The following ASTN2 variants were observed in gnomAD, a reference collection of about 807,000 sequenced individuals.
The protein encoded by ASTN2 is astrotactin 2, also known as astrotactin-2.
A neutral mutation model predicts 139.8 loss-of-function variants in ASTN2; 54 were observed. The observed-to-expected ratio is 0.39, with a 90% confidence interval of 0.31 to 0.48. The LOEUF is 0.48. ASTN2 is among the 20% of genes least tolerant of loss of function. The pLI is 0.95. For missense variants in ASTN2, 1,565 were observed against 1,725.1 expected, an observed-to-expected ratio of 0.91 and a Z score of 1.64; for synonymous variants, 756 against 719.5, an observed-to-expected ratio of 1.05 and a Z score of -0.81.
rs117127330 is a variant in ASTN2 at position 117,318,757 on chromosome 9, C to G, written c.443-27244G>C. On this transcript the variant is annotated intron_variant, in intron 1 of 22. Coordinates refer to ENST00000313400, the MANE Select transcript of ASTN2 (RefSeq NM_001365068.1). ...AAAATCGAGGGCTCAAGCAGGTACA[C>G]GTCTCAGTCCCATGCCTGAGCAATC... Among the ~76,000 whole-genome samples the G allele has an allele frequency of 5.8e-4, 88 of 152,268 alleles. 1 individual carries two copies. In the East Asian group the frequency reaches 0.016, roughly 28 times the overall value.
intron 3 of ASTN2, among the ~76,000 whole-genome samples, chr9:117,147,892 G>C (rs1830238576): frequency 6.6e-6 from 1 of 152,140 alleles, no homozygotes. Flanking sequence ...CTGGAGATGG[G>C]TATGTTAATC....
chr9:117,343,055 A>G (rs181954110), intron 1 of ASTN2, among the ~76,000 whole-genome samples: 1 of 152,322 alleles, frequency 6.6e-6, no homozygotes, highest in East Asian at 1.9e-4. Flanking sequence ...TCACTTCAGA[A>G]AAACTAAAGT....
chr9:117,117,619 ATC>A (rs1165873581), intron 4 of ASTN2, among the ~76,000 whole-genome samples: 28 of 152,316 alleles, frequency 1.8e-4, no homozygotes, highest in African/African-American at 6.7e-4. Flanking sequence ...AGGAGTTCTC[ATC>A]AGCACCCCCT....
At chr9:116,596,081 G>C (rs1457549332) in intron 19 of ASTN2, among the ~76,000 whole-genome samples, 1 of 152,106 alleles carries the variant, frequency 6.6e-6, no homozygotes, top group South Asian at 2.1e-4. Flanking sequence ...TGCATACAAT[G>C]GATTATCATT....
chr9:116,718,247 A>G (rs1828368662), intron 16 of ASTN2, among the ~76,000 whole-genome samples: 1 of 152,212 alleles, frequency 6.6e-6, no homozygotes, highest in African/African-American at 2.4e-5. Context: ...AGGCCAAGTG[A>G]CAAAAGGATT....
intron 22 of ASTN2, among the ~76,000 whole-genome samples, chr9:116,426,458 A>G (rs749998925): frequency 6.6e-5 from 10 of 152,208 alleles, no homozygotes; most frequent in Non-Finnish European, 1.3e-4. Context: ...GACACTGGGT[A>G]TGCATTTTAC....
At chr9:117,099,046 G>T (rs1487067643) in intron 4 of ASTN2, among the ~76,000 whole-genome samples, 1 of 149,976 alleles carries the variant, frequency 6.7e-6, no homozygotes, top group Non-Finnish European at 1.5e-5. Context: ...GGTGGAGGTT[G>T]CAGTGAGCCG....
At chr9:116,785,875 A>C (rs534333104) in intron 13 of ASTN2, among the ~76,000 whole-genome samples, 1 of 152,138 alleles carries the variant, frequency 6.6e-6, no homozygotes, top group Admixed American at 6.5e-5. Flanking sequence ...TTCACACCCC[A>C]GTCAGATTAT....
intron 20 of ASTN2, among the ~76,000 whole-genome samples, chr9:116,445,591 A>C (rs767689994): frequency 6.6e-6 from 1 of 152,196 alleles, no homozygotes; most frequent in Non-Finnish European, 1.5e-5. Flanking sequence ...GAGAGCCCCC[A>C]GGATGCTGGG....
Position 117,032,541 on chromosome 9 carries a change from C to G in ASTN2, c.1423+7278G>C, listed in dbSNP as rs144524643. 3.3e-4 allele frequency among the ~76,000 whole-genome samples: 50 copies of G among 152,224 alleles called. 1 individual carries two copies. The highest frequency in any genetic ancestry group is 1.1e-3 in the African/African-American group (47 of 41,542). ...TGCTTGGCAGTTTGTGGCTAAGGAT[C>G]CACTTACAATGTGGTGTCATTTTCC... On this transcript the variant is annotated intron_variant, in intron 6 of 22. Transcript: ENST00000313400.
chr9:117,412,685 G>A (rs1831201516), intron 1 of ASTN2, among the ~76,000 whole-genome samples: 1 of 152,108 alleles, frequency 6.6e-6, no homozygotes, highest in Admixed American at 6.5e-5. Context: ...TTTGGGGGGC[G>A]GGAGGATTTC....
chr9:116,479,544 T>C (rs993643014), intron 20 of ASTN2, among the ~76,000 whole-genome samples: 3 of 152,138 alleles, frequency 2.0e-5, no homozygotes, highest in African/African-American at 7.2e-5. Context: ...CATGGGAGTC[T>C]GACAGTGCTG....
intron 4 of ASTN2, among the ~76,000 whole-genome samples, chr9:117,131,640 A>G (rs1315003855): frequency 6.6e-6 from 1 of 152,186 alleles, no homozygotes; most frequent in Non-Finnish European, 1.5e-5. Flanking sequence ...CTTCATCTAC[A>G]TAACAAGAAC....
intron 4 of ASTN2, among the ~76,000 whole-genome samples, chr9:117,126,607 C>T (rs771018997): frequency 4.7e-4 from 72 of 152,310 alleles, no homozygotes; most frequent in Non-Finnish European, 9.4e-4. Flanking sequence ...CCTATAGTTT[C>T]ATCTTTGTTG....
intron 1 of ASTN2, among the ~76,000 whole-genome samples, chr9:117,363,328 T>G (rs547583744): frequency 1.3e-5 from 2 of 152,280 alleles, no homozygotes; most frequent in South Asian, 4.1e-4. Flanking sequence ...ATAAAACAAA[T>G]ACTTTACACA....
intron 10 of ASTN2, among the ~76,000 whole-genome samples, chr9:116,925,461 C>A (rs1251265750): frequency 1.3e-5 from 2 of 152,148 alleles, no homozygotes; most frequent in Non-Finnish European, 2.9e-5. Context: ...CTTGTAGTCT[C>A]AGAACAACAG....
chr9:117,328,128 A>G (rs776607102), intron 1 of ASTN2, among the ~76,000 whole-genome samples: 3 of 152,190 alleles, frequency 2.0e-5, no homozygotes, highest in African/African-American at 4.8e-5. Flanking sequence ...CAATTGTTCT[A>G]TAACCCTGAA....
At chr9:116,514,257 G>A (rs563939497) in intron 19 of ASTN2, among the ~76,000 whole-genome samples, 5 of 147,736 alleles carry the variant, frequency 3.4e-5, no homozygotes, top group African/African-American at 1.3e-4. Context: ...GGAGTTTGCT[G>A]GAGGTCCACT....
intron 16 of ASTN2, among the ~76,000 whole-genome samples, chr9:116,665,575 A>T (rs1450671921): frequency 6.6e-6 from 1 of 152,188 alleles, no homozygotes; most frequent in Non-Finnish European, 1.5e-5. Context: ...ATTTTTCATT[A>T]AAAGGAACAA....
Sources: gnomAD v4.1 joint callset for allele counts (sites outside exome capture counted in the v4.1 genomes callset) on GRCh38, gnomAD v4.1.1 for gene constraint, MANE v1.5 for transcripts, NCBI Gene and HGNC (gene_info 2026-07-23, HGNC 2026-07-21) for gene names.